The following GLB1L2 variants were observed in gnomAD, a reference collection of about 807,000 sequenced individuals.
The protein encoded by GLB1L2 is beta-galactosidase-1-like protein 2.
GLB1L2 carries 68 observed loss-of-function variants against 84.1 expected under a neutral mutation model. The ratio of observed to expected loss-of-function variants is 0.81; its 90% CI spans 0.67 to 0.99. The LOEUF (loss-of-function observed/expected upper bound fraction) is 0.99, where lower values mean the gene tolerates loss of function less well. Ranked by LOEUF, GLB1L2 falls within the 50% of genes least tolerant of loss-of-function variation. The probability of loss-of-function intolerance (pLI) is 0.00; values close to 1 mark genes in which losing one functional copy is unlikely to be tolerated. For missense variants in GLB1L2, 762 were observed against 805.6 expected (o/e 0.95, Z 0.66); for synonymous variants, 290 against 318.0 (o/e 0.91, Z 0.94).
chr11:134,344,185 A>G (rs1340634465), intron 2 of GLB1L2, among the ~76,000 whole-genome samples: 1 of 152,132 alleles, frequency 6.6e-6, no homozygotes, highest in African/African-American at 2.4e-5. Flanking sequence ...CTTCATCCAA[A>G]TCTTGTTGAT....
rs1943990124 is a variant in GLB1L2 at position 134,373,884 on chromosome 11, C to T, written c.1595+76C>T. ...TGGTGGGGCCCAGGGGTCCCTGGTG[C>T]ACCGTGGCCTGGCCCGCACCCAGGT... On this transcript the variant is annotated intron_variant, in intron 16 of 18. Transcript: ENST00000535456. The T allele has an allele frequency of 8.1e-6, 9 of 1,112,856 alleles. No homozygotes were observed. The East Asian group carries it at 2.1e-4, about 26-fold the overall frequency. 68.9% of individuals were successfully genotyped at this position (1,112,856 alleles called of 1,614,324 possible). A position where few individuals can be genotyped will look rare whatever the true frequency, so the allele number is the denominator to read the frequency against.
chr11:134,336,275 G>C (rs1327012639), intron 1 of GLB1L2, among the ~76,000 whole-genome samples: 1 of 152,172 alleles, frequency 6.6e-6, no homozygotes, highest in Non-Finnish European at 1.5e-5. Context: ...AACATGGTAA[G>C]TATTCAGAGT....
At chr11:134,357,823 A>G (rs1036453371) in intron 6 of GLB1L2, among the ~76,000 whole-genome samples, 2 of 152,254 alleles carry the variant, frequency 1.3e-5, no homozygotes, top group Non-Finnish European at 2.9e-5. Context: ...GCCTGCTCCC[A>G]GCCTAGCTCT....
chr11:134,371,554 C>T (rs1046261714), intron 14 of GLB1L2, 62 bp downstream of exon 14: 15 of 1,129,790 alleles, frequency 1.3e-5, no homozygotes, highest in Admixed American at 1.2e-4. Flanking sequence ...AGTCTGGGGG[C>T]AGTCACTGAG....
chr11:134,370,154 T>C lies in GLB1L2; in HGVS notation c.1109-139T>C. 1.3e-6 allele frequency: 1 copy of C among 795,906 alleles called. No individual in the cohort carries two copies. Among genetic ancestry groups the C allele is most frequent in the South Asian group, 1.6e-5 (1 of 64,304 alleles). The allele number at this position is 795,906 out of a possible 1,614,324, so 49.3% of individuals were successfully genotyped here. A position where few individuals can be genotyped will look rare whatever the true frequency, so the allele number is the denominator to read the frequency against. ...GGCCTTCCTCCCTGGCCTCAGCAGG[T>C]GCTGAGAGCTAGCCTGTTGTTCCTC... On this transcript the variant is annotated intron_variant, in intron 11 of 18. Coordinates refer to ENST00000535456, the MANE Select transcript of GLB1L2 (RefSeq NM_001370461.1). The surrounding 1 kb of genome is among the most constrained non-coding windows in gnomAD (Gnocchi z 4.7).
At chr11:134,367,140 G>A in intron 8 of GLB1L2, 117 bp from the exon 9 acceptor site, 1 of 891,020 alleles carries the variant, frequency 1.1e-6, no homozygotes, top group Non-Finnish European at 1.8e-6. Flanking sequence ...AAGGCAGTGG[G>A]TATGCAGACA....
intron 1 of GLB1L2, among the ~76,000 whole-genome samples, chr11:134,340,893 C>T (rs996955650): frequency 3.9e-5 from 6 of 152,170 alleles, no homozygotes; most frequent in African/African-American, 1.2e-4. Flanking sequence ...CCTCAGCTTG[C>T]AGGCTGCACA....
chr11:134,359,187 G>A lies in GLB1L2; in HGVS notation c.733+46G>A, dbSNP rs764507172. ...CCGTGGGGGCTGGCGGCGGCCCTGG[G>A]CTGGCTGTGCACGCTCCCGCTGTGG... On this transcript the variant is annotated intron_variant, in intron 7 of 18. Coordinates refer to ENST00000535456, the MANE Select transcript of GLB1L2 (RefSeq NM_001370461.1). 1.8e-5 allele frequency: 25 copies of A among 1,402,982 alleles called. No homozygotes were observed. In the Admixed American group the frequency reaches 3.4e-4, roughly 19 times the overall value. The allele number at this position is 1,402,982 out of a possible 1,614,324, so 86.9% of individuals were successfully genotyped here.
chr11:134,354,747 G>A (rs983892486), intron 5 of GLB1L2, among the ~76,000 whole-genome samples: 3 of 152,030 alleles, frequency 2.0e-5, no homozygotes, highest in Non-Finnish European at 2.9e-5. Context: ...TCTTATTGAG[G>A]ATCCCTTGCC....
chr11:134,372,121 G>A (rs574723416), intron 15 of GLB1L2, among the ~76,000 whole-genome samples: 1 of 152,210 alleles, frequency 6.6e-6, no homozygotes, highest in African/African-American at 2.4e-5. Flanking sequence ...CTGCAAGGAT[G>A]TCTGCTTGGG....
chr11:134,343,096 G>T, intron 2 of GLB1L2, 145 bp downstream of exon 2: 2 of 788,942 alleles, frequency 2.5e-6, no homozygotes, highest in Non-Finnish European at 3.9e-6. Flanking sequence ...CCACCACAGA[G>T]CTCCTGACTC....
In GLB1L2 at chr11:134,370,544, G is replaced by T; in HGVS notation, c.1215+145G>T. 1 of 657,490 alleles carries T rather than the reference G, an allele frequency of 1.5e-6. No individual in the cohort carries two copies. Among genetic ancestry groups the T allele is most frequent in the Non-Finnish European group, 2.7e-6 (1 of 372,628 alleles). 40.7% of individuals were successfully genotyped at this position (657,490 alleles called of 1,614,324 possible). ...GGAGCCCCTCCAGACAGGGAGTGTG[G>T]GGGGAGGCAGGCCAGTGCCTGGTGG... On this transcript the variant is annotated intron_variant, in intron 12 of 18. Coordinates refer to ENST00000535456, the MANE Select transcript of GLB1L2 (RefSeq NM_001370461.1). This position sits in a 1 kb window ranked among gnomAD's most constrained non-coding sequence, Gnocchi z 4.7.
At position 134,339,729 on chromosome 11, in the gene GLB1L2, T is replaced by G. The variant is rs1237050754; in HGVS notation, c.87-3025T>G. On this transcript the variant is annotated intron_variant, in intron 1 of 18. Coordinates refer to ENST00000535456, the MANE Select transcript of GLB1L2 (RefSeq NM_001370461.1). The surrounding 1 kb of genome is among the most constrained non-coding windows in gnomAD (Gnocchi z 5.7). ...TCCAAGGAGAAGACGCAGATTGGGC[T>G]TCTCGAGCTGTAACCTTGGGATTGG... Among the ~76,000 whole-genome samples the G allele has an allele frequency of 1.3e-5, 2 of 152,072 alleles. No homozygotes were observed. Among genetic ancestry groups the G allele is most frequent in the Non-Finnish European group, 2.9e-5 (2 of 68,036 alleles).
chr11:134,355,131 T>C (rs1007226485), intron 5 of GLB1L2, among the ~76,000 whole-genome samples: 1 of 152,220 alleles, frequency 6.6e-6, no homozygotes, highest in African/African-American at 2.4e-5. Flanking sequence ...ACTCCTCTAG[T>C]GAATTTTTCA....
chr11:134,361,092 A>C (rs1943780214), intron 7 of GLB1L2: 1 of 152,020 alleles, frequency 6.6e-6, no homozygotes, highest in Admixed American at 6.6e-5. Flanking sequence ...CGGAGTTTGC[A>C]GTGAGCCGAG....
chr11:134,345,158 G>A (rs1943536882), intron 4 of GLB1L2, 29 bp downstream of exon 4: 1 of 1,565,232 alleles, frequency 6.4e-7, no homozygotes, highest in East Asian at 2.3e-5. Flanking sequence ...GGTCCTGTGT[G>A]CTGTGGCAAA....
intron 5 of GLB1L2, among the ~76,000 whole-genome samples, chr11:134,353,955 A>G (rs1053965533): frequency 2.0e-5 from 3 of 152,194 alleles, no homozygotes; most frequent in Non-Finnish European, 4.4e-5. Flanking sequence ...TGTAGATAGT[A>G]TATAGTTGGA....
At chr11:134,363,532 G>A (rs376948583) in intron 7 of GLB1L2, among the ~76,000 whole-genome samples, 11 of 152,224 alleles carry the variant, frequency 7.2e-5, no homozygotes, top group East Asian at 1.9e-4. Flanking sequence ...CAAACAGAGC[G>A]CACCTTTCTT....
intron 7 of GLB1L2, chr11:134,360,148 C>A (rs1943762434): frequency 6.6e-6 from 1 of 152,322 alleles, no homozygotes; most frequent in African/African-American, 2.4e-5. Context: ...ATAGCGCCCT[C>A]CCATCGTTGC....
Sources: gnomAD v4.1 joint callset for allele counts (sites outside exome capture counted in the v4.1 genomes callset) on GRCh38, gnomAD v4.1.1 for gene constraint, Gnocchi (gnomAD v3.1) non-coding constraint, MANE v1.5 for transcripts, NCBI Gene and HGNC (gene_info 2026-07-23, HGNC 2026-07-21) for gene names.